The following NXPE2 variants were observed in gnomAD, a reference collection of about 807,000 sequenced individuals.
NXPE2 encodes the protein NXPE family member 2.
A neutral mutation model predicts 34.4 loss-of-function variants in NXPE2; 34 were observed. The observed-to-expected ratio is 0.99, with a 90% CI of 0.75 to 1.31. The LOEUF (loss-of-function observed/expected upper bound fraction) is 1.31, where lower values mean the gene tolerates loss of function less well. Among genes scored for constraint, NXPE2 ranks in the 40% most tolerant of loss-of-function variants. The pLI, the probability that NXPE2 is intolerant of heterozygous loss-of-function variation, is 0.00. For missense variants in NXPE2, 649 were observed against 672.5 expected, an observed-to-expected ratio of 0.97 and a Z score of 0.39; for synonymous variants, 235 against 231.3, an observed-to-expected ratio of 1.02 and a Z score of -0.15.
At chr11:114,740,143 A>G in the NXPE2 span, among the ~76,000 whole-genome samples, 1 of 152,202 alleles carries the variant, frequency 6.6e-6, no homozygotes, top group Non-Finnish European at 1.5e-5. Context: ...AAAATAGAAC[A>G]ATTATAACAA....
At chr11:114,755,253 G>T in the NXPE2 span, among the ~76,000 whole-genome samples, 4 of 152,102 alleles carry the variant, frequency 2.6e-5, no homozygotes, top group African/African-American at 9.7e-5. Flanking sequence ...TTACCCATAG[G>T]CTGTGTGGGG....
chr11:114,643,226 A>C, the NXPE2 span, among the ~76,000 whole-genome samples: 1 of 152,018 alleles, frequency 6.6e-6, no homozygotes, highest in Non-Finnish European at 1.5e-5. Flanking sequence ...TTCTGATGAT[A>C]GTTTCTTTTG....
chr11:114,688,777 T>C (rs187812799), intron 2 of NXPE2, among the ~76,000 whole-genome samples: 29 of 152,180 alleles, frequency 1.9e-4, no homozygotes, highest in Admixed American at 1.2e-3. Context: ...TCTTTAGTCA[T>C]TTTTGGTCTG....
chr11:114,811,641 T>C, the NXPE2 span, among the ~76,000 whole-genome samples: 2 of 152,120 alleles, frequency 1.3e-5, no homozygotes, highest in Non-Finnish European at 2.9e-5. Context: ...GCCTCCACAC[T>C]GGGGACTTAC....
intron 2 of NXPE2, among the ~76,000 whole-genome samples, chr11:114,694,824 C>T (rs932373720): frequency 7.2e-6 from 1 of 138,242 alleles, no homozygotes; most frequent in African/African-American, 2.6e-5. Flanking sequence ...ATACATTACC[C>T]ATCTGTTCCT....
the NXPE2 span, among the ~76,000 whole-genome samples, chr11:114,740,206 T>C: frequency 5.3e-5 from 8 of 152,192 alleles, no homozygotes; most frequent in Non-Finnish European, 8.8e-5. Context: ...TCTATATAAA[T>C]ATCTTATTGT....
chr11:114,661,472 G>A, the NXPE2 span, among the ~76,000 whole-genome samples: 15 of 152,108 alleles, frequency 9.9e-5, no homozygotes, highest in African/African-American at 3.6e-4. Flanking sequence ...GTTCAGGAAC[G>A]CTGCCTGTTT....
At chr11:114,710,682 A>G (rs1859595446), downstream of NXPE2, among the ~76,000 whole-genome samples, 1 of 152,188 alleles carries the variant, frequency 6.6e-6, no homozygotes, top group African/African-American at 2.4e-5. Flanking sequence ...CATTTAAAGA[A>G]GAATTAACAC....
At chr11:114,558,182 A>G in the NXPE2 span, among the ~76,000 whole-genome samples, 1 of 152,092 alleles carries the variant, frequency 6.6e-6, no homozygotes, top group Non-Finnish European at 1.5e-5. Flanking sequence ...TAAACTATAC[A>G]CACATCTATG....
chr11:114,533,265 CT>C, the NXPE2 span, among the ~76,000 whole-genome samples: 2 of 152,152 alleles, frequency 1.3e-5, no homozygotes, highest in East Asian at 3.9e-4. Context: ...AACTCACAAA[CT>C]CAAAAGCATT....
the NXPE2 span, among the ~76,000 whole-genome samples, chr11:114,603,965 C>T: frequency 6.6e-6 from 1 of 151,488 alleles, no homozygotes; most frequent in South Asian, 2.1e-4. Context: ...TAGGTAACTA[C>T]TATTACCTGG....
chr11:114,482,050 G>A, the NXPE2 span, among the ~76,000 whole-genome samples: 9 of 150,008 alleles, frequency 6.0e-5, no homozygotes, highest in East Asian at 1.8e-3. Context: ...AAGAATGAAA[G>A]ATGGATTAAA....
At chr11:114,590,383 C>T in the NXPE2 span, among the ~76,000 whole-genome samples, 2 of 152,302 alleles carry the variant, frequency 1.3e-5, no homozygotes, top group East Asian at 1.9e-4. Flanking sequence ...CCATTTCCTC[C>T]TTCCCCCTCC....
At chr11:114,630,060 T>A in the NXPE2 span, among the ~76,000 whole-genome samples, 1 of 151,366 alleles carries the variant, frequency 6.6e-6, no homozygotes, top group Non-Finnish European at 1.5e-5. Flanking sequence ...TGCTCATGGG[T>A]AGGAAGAATC....
chr11:114,522,035 T>C, the NXPE2 span: 6 of 1,613,970 alleles, frequency 3.7e-6, no homozygotes, highest in Non-Finnish European at 5.1e-6. Context: ...GTGGATAGTG[T>C]CAGTGCCATA....
chr11:114,776,346 C>A, the NXPE2 span, among the ~76,000 whole-genome samples: 4 of 152,272 alleles, frequency 2.6e-5, no homozygotes, highest in Non-Finnish European at 5.9e-5. Flanking sequence ...CTGTTTCCAC[C>A]GAGCTCTCCA....
chr11:114,696,212 C>G (rs1951249502), intron 2 of NXPE2, among the ~76,000 whole-genome samples: 1 of 151,456 alleles, frequency 6.6e-6, no homozygotes, highest in Non-Finnish European at 1.5e-5. Flanking sequence ...GTGGCTCACA[C>G]TACCTAGGTA....
chr11:114,746,131 G>A, the NXPE2 span, among the ~76,000 whole-genome samples: 4 of 152,084 alleles, frequency 2.6e-5, no homozygotes, highest in Non-Finnish European at 1.5e-5. Context: ...GACTTGGGCA[G>A]TTGATGTTTG....
chr11:114,701,886 A>G (rs764091578), intron 3 of NXPE2, among the ~76,000 whole-genome samples: 4 of 152,182 alleles, frequency 2.6e-5, no homozygotes, highest in Non-Finnish European at 5.9e-5. Flanking sequence ...CTGACTTTTC[A>G]CATACTTGGG....
Sources: allele counts gnomAD v4.1 joint callset (sites outside exome capture counted in the v4.1 genomes callset), GRCh38; gene constraint gnomAD v4.1.1; transcripts MANE v1.5; gene names NCBI Gene and HGNC (gene_info 2026-07-23, HGNC 2026-07-21).